RNF220: variants seen among roughly 807,000 people sequenced by gnomAD.
RNF220 encodes E3 ubiquitin-protein ligase RNF220.
Under a neutral mutation model 67.1 loss-of-function variants are expected in RNF220, and 7 were observed. That is an observed-to-expected ratio of 0.10 (90% CI 0.06 to 0.20). RNF220 has a LOEUF of 0.20. RNF220 is among the 10% of genes least tolerant of loss of function. The pLI, the probability that RNF220 is intolerant of heterozygous loss-of-function variation, is 1.00. For synonymous variants in RNF220, 270 were observed against 283.2 expected (o/e 0.95, Z 0.47); for missense variants, 565 against 740.3 (o/e 0.76, Z 2.75).
chr1:44,455,431 G>C (rs1374612355), intron 2 of RNF220, among the ~76,000 whole-genome samples: 1 of 152,180 alleles, frequency 6.6e-6, no homozygotes, highest in Non-Finnish European at 1.5e-5. Flanking sequence ...TGAGTGCATG[G>C]AGCTAGCAGT....
chr1:44,551,119 C>CTTTTTTTTTTTTTTTT (rs386366846), intron 2 of RNF220, among the ~76,000 whole-genome samples: 1 of 97,498 alleles, frequency 1.0e-5, no homozygotes. Flanking sequence ...CACTTCTTGC[C>CTTTTTTTTTTTTTTTT]TTTTTTTTTT....
At chr1:44,511,771 G>T (rs902057206) in intron 2 of RNF220, among the ~76,000 whole-genome samples, 1 of 152,220 alleles carries the variant, frequency 6.6e-6, no homozygotes, top group African/African-American at 2.4e-5. Flanking sequence ...GGCTGGAGAA[G>T]TGAAACGGAT....
In RNF220 at chr1:44,649,571, T is replaced by C; in HGVS notation, c.1446-90T>C. The C allele has an allele frequency of 6.0e-6, 7 of 1,171,890 alleles. No homozygotes were observed. Among genetic ancestry groups the C allele is most frequent in the East Asian group, 2.3e-5 (1 of 42,734 alleles). The allele number at this position is 1,171,890 out of a possible 1,614,324, so 72.6% of individuals were successfully genotyped here. A position where few individuals can be genotyped will look rare whatever the true frequency, so the allele number is the denominator to read the frequency against. The stretch of plus-strand genomic sequence containing the variant: ...CAGGGATGCCTAGGGGACATTTATG[T>C]ATTTGGTTCTGGAATTCAAGGGAGG... On this transcript the variant is annotated intron_variant, in intron 12 of 14. Coordinates refer to ENST00000361799, the MANE Select transcript of RNF220 (RefSeq NM_018150.4). This position sits in a 1 kb window ranked among gnomAD's most constrained non-coding sequence, Gnocchi z 5.9.
intron 1 of RNF220, chr1:44,409,009 C>T (rs929253503): frequency 1.3e-5 from 2 of 152,252 alleles, no homozygotes; most frequent in African/African-American, 4.8e-5. Context: ...CTAGTTCGCT[C>T]CGCAGAGCGC....
chr1:44,477,368 A>G (rs114070418), intron 2 of RNF220, among the ~76,000 whole-genome samples: 1,995 of 152,296 alleles, frequency 0.013, 38 homozygotes, highest in African/African-American at 0.046. Flanking sequence ...TCGCACAACT[A>G]TCTAGAATAA....
chr1:44,630,797 G>A (rs1573114923), intron 5 of RNF220, among the ~76,000 whole-genome samples: 1 of 152,228 alleles, frequency 6.6e-6, no homozygotes, highest in Non-Finnish European at 1.5e-5. Context: ...GCTCTGCAAA[G>A]CTGAGTGTCA....
chr1:44,421,781 ACT>A (rs757586422), intron 2 of RNF220, among the ~76,000 whole-genome samples: 7 of 151,904 alleles, frequency 4.6e-5, no homozygotes, highest in Non-Finnish European at 1.0e-4. Context: ...CCAGAGAATG[ACT>A]CTGCATGTCA....
At chr1:44,459,317 C>CTCATTTCTTCCCAACT (rs1653522730) in intron 2 of RNF220, among the ~76,000 whole-genome samples, 1 of 151,870 alleles carries the variant, frequency 6.6e-6, no homozygotes, top group Non-Finnish European at 1.5e-5. Flanking sequence ...TCTTCCCAAC[C>CTCATTTCTTCCCAACT]TCTCAGCCTT....
chr1:44,605,667 G>C (rs1057219594), intron 2 of RNF220, among the ~76,000 whole-genome samples: 1 of 152,138 alleles, frequency 6.6e-6, no homozygotes, highest in East Asian at 1.9e-4. Flanking sequence ...AAGAGGCTTC[G>C]GGAACACAGA....
chr1:44,557,401 G>C (rs1663196790), intron 2 of RNF220, among the ~76,000 whole-genome samples: 1 of 149,280 alleles, frequency 6.7e-6, no homozygotes, highest in South Asian at 2.2e-4. Flanking sequence ...GAAAGAAAGA[G>C]AGAGAGGAAG....
chr1:44,544,219 T>C (rs1661929788), intron 2 of RNF220, among the ~76,000 whole-genome samples: 1 of 152,208 alleles, frequency 6.6e-6, no homozygotes, highest in South Asian at 2.1e-4. Flanking sequence ...AGGAAAATGC[T>C]TGATCTCTGC....
intron 12 of RNF220, chr1:44,648,689 C>G (rs1644712404): frequency 6.6e-6 from 1 of 152,154 alleles, no homozygotes; most frequent in Non-Finnish European, 1.5e-5. Flanking sequence ...AGGGCTGTGG[C>G]AAAGAGACCT....
chr1:44,586,322 C>T (rs1572959504), intron 2 of RNF220, among the ~76,000 whole-genome samples: 2 of 152,154 alleles, frequency 1.3e-5, no homozygotes, highest in East Asian at 1.9e-4. Flanking sequence ...GGAAAGTTGA[C>T]GTTCAAGAGG....
intron 2 of RNF220, among the ~76,000 whole-genome samples, chr1:44,580,433 GT>G (rs1310063003): frequency 1.3e-5 from 2 of 152,202 alleles, no homozygotes; most frequent in African/African-American, 2.4e-5. Context: ...GGACATTATT[GT>G]TGTTTTTAGA....
chr1:44,548,461 T>A (rs927811337), intron 2 of RNF220, among the ~76,000 whole-genome samples: 4 of 152,172 alleles, frequency 2.6e-5, no homozygotes, highest in African/African-American at 9.6e-5. Flanking sequence ...CTAGACTCCT[T>A]CATTCAGCCT....
At chr1:44,629,805 A>G (rs1170923357) in intron 5 of RNF220, among the ~76,000 whole-genome samples, 2 of 152,270 alleles carry the variant, frequency 1.3e-5, no homozygotes, top group African/African-American at 4.8e-5. Flanking sequence ...GAAGGAACAG[A>G]AGTTCACTTG....
chr1:44,494,384 T>A (rs1211294908), intron 2 of RNF220, among the ~76,000 whole-genome samples: 1 of 152,032 alleles, frequency 6.6e-6, no homozygotes, highest in African/African-American at 2.4e-5. Flanking sequence ...CTAGAGATAT[T>A]CTCAGACATG....
chr1:44,629,461 T>C (rs1289207547), intron 5 of RNF220, among the ~76,000 whole-genome samples: 1 of 152,252 alleles, frequency 6.6e-6, no homozygotes, highest in African/African-American at 2.4e-5. Context: ...CATGTTCAGC[T>C]TAGTGTCCTT....
intron 2 of RNF220, among the ~76,000 whole-genome samples, chr1:44,609,582 G>A (rs553847529): frequency 1.2e-4 from 18 of 152,280 alleles, no homozygotes; most frequent in Non-Finnish European, 1.9e-4. Context: ...AGGTTGTGCC[G>A]GCACTTGAGT....
Sources: gnomAD v4.1 joint callset for allele counts (sites outside exome capture counted in the v4.1 genomes callset) on GRCh38, gnomAD v4.1.1 for gene constraint, Gnocchi (gnomAD v3.1) non-coding constraint, MANE v1.5 for transcripts, NCBI Gene and HGNC (gene_info 2026-07-23, HGNC 2026-07-21) for gene names.